MOV10L1: variants seen among roughly 807,000 people sequenced by gnomAD.
MOV10L1 encodes Mov10 like RNA helicase 1.
A neutral mutation model predicts 143.8 loss-of-function variants in MOV10L1; 110 were observed. The ratio of observed to expected loss-of-function variants is 0.76; its 90% CI spans 0.66 to 0.90. MOV10L1 has a LOEUF of 0.90. Among genes scored for constraint, MOV10L1 ranks in the 40% least tolerant of loss-of-function variants. MOV10L1 has a pLI of 0.00. For missense variants in MOV10L1, 1,406 were observed against 1,526.8 expected, an observed-to-expected ratio of 0.92 and a Z score of 1.32; for synonymous variants, 593 against 581.1, an observed-to-expected ratio of 1.02 and a Z score of -0.29.
At chr22:50,150,972 A>C (rs1440637258) in intron 21 of MOV10L1, 73 bp downstream of exon 21, 31 of 1,569,554 alleles carry the variant, frequency 2.0e-5, no homozygotes, top group African/African-American at 2.7e-5. Flanking sequence ...CGAGCAGCTC[A>C]CTCTTCTGTC....
At position 50,143,060 on chromosome 22, in the gene MOV10L1, C is replaced by A; in HGVS notation, c.2197C>A (p.Pro733Thr). 1.2e-6 allele frequency: 2 copies of A among 1,614,086 alleles called. No individual in the cohort carries two copies. Among genetic ancestry groups the A allele is most frequent in the African/African-American group, 1.3e-5 (1 of 75,010 alleles). The change falls in exon 17 of 27, where the codon CCT becomes ACT. Residue 733 changes from proline to threonine, a missense_variant. This residue lies in a region of MOV10L1 where 1,233 missense variants were observed against 1,351.4 expected (regional missense o/e 0.91). Transcript: ENST00000262794. ...GAATACAGTAGATGAAATTCAGACCCCTAAAGCAAGAAAGATGGAGTTTTT... is the reference window on the plus strand; with the variant it reads ...GAATACAGTAGATGAAATTCAGACCACTAAAGCAAGAAAGATGGAGTTTTT... ...MSDWVDEIQT[P>T]KARKMEFFNP...
At chr22:50,125,734 C>G (rs1485529302) in intron 11 of MOV10L1, among the ~76,000 whole-genome samples, 165 bp downstream of exon 11, 1 of 151,956 alleles carries the variant, frequency 6.6e-6, no homozygotes, top group African/African-American at 2.4e-5. Flanking sequence ...AAGCATGTTT[C>G]TTTGTTGTAT....
At chr22:50,095,202 C>T (rs2062558399) in intron 2 of MOV10L1, 1 of 152,208 alleles carries the variant, frequency 6.6e-6, no homozygotes, top group South Asian at 2.1e-4. Context: ...CCACGTTCCC[C>T]ACCTGCACTT....
At chr22:50,098,036 C>T (rs944349866) in intron 2 of MOV10L1, among the ~76,000 whole-genome samples, 3 of 151,900 alleles carry the variant, frequency 2.0e-5, no homozygotes, top group African/African-American at 7.3e-5. Flanking sequence ...GGGGTTTCAC[C>T]ATGTTGACCA....
intron 8 of MOV10L1, among the ~76,000 whole-genome samples, chr22:50,116,805 G>A (rs1179195277): frequency 6.6e-6 from 1 of 151,092 alleles, no homozygotes; most frequent in Non-Finnish European, 1.5e-5. Context: ...ACAGGCACAC[G>A]CCTCCATGTC....
chr22:50,090,576 T>A (rs1460629365), intron 1 of MOV10L1: 1 of 1,557,992 alleles, frequency 6.4e-7, no homozygotes, highest in Admixed American at 1.9e-5. Context: ...CAGAACGCGC[T>A]GCGCCAAGGC....
chr22:50,161,030 C>T lies in MOV10L1; in HGVS notation c.3529C>T (p.Pro1177Ser), dbSNP rs767696214. Reference sequence around the variant, plus strand: ...CGGTGTTTACATGGGATGCGATTTACCTCCTGCACTGCAGTCTCTGCAAAA... The same window carrying T: ...CGGTGTTTACATGGGATGCGATTTATCTCCTGCACTGCAGTCTCTGCAAAA... ...TNGVYMGCDL[P>S]PALQSLQNCG... The change falls in exon 26 of 27, where the codon CCT becomes TCT. Residue 1177 changes from proline to serine, a missense_variant. Physicochemically the swap from Pro to Ser is moderately conservative, Grantham distance 74. Transcript: ENST00000262794. 6.2e-7 allele frequency: 1 copy of T among 1,614,022 alleles called. No individual in the cohort carries two copies. The highest frequency in any genetic ancestry group is 8.5e-7 in the Non-Finnish European group (1 of 1,180,012).
At chr22:50,100,025 T>C (rs1323060191) in intron 3 of MOV10L1, among the ~76,000 whole-genome samples, 5 of 151,984 alleles carry the variant, frequency 3.3e-5, no homozygotes, top group South Asian at 2.1e-4. Flanking sequence ...GGAGTCTCAC[T>C]CTGTTGCCCA....
At chr22:50,104,093 G>A (rs571695017) in intron 3 of MOV10L1, among the ~76,000 whole-genome samples, 1 of 152,218 alleles carries the variant, frequency 6.6e-6, no homozygotes, top group African/African-American at 2.4e-5. Context: ...TAAGGAGCAC[G>A]CAACCTAGAT....
At chr22:50,131,207 C>G (rs985713794) in intron 13 of MOV10L1, among the ~76,000 whole-genome samples, 1 of 152,166 alleles carries the variant, frequency 6.6e-6, no homozygotes, top group Admixed American at 6.5e-5. Flanking sequence ...CACACCCGGC[C>G]ACTGAACATC....
At chr22:50,098,538 G>A (rs1223653831) in intron 2 of MOV10L1, among the ~76,000 whole-genome samples, 1 of 151,858 alleles carries the variant, frequency 6.6e-6, no homozygotes, top group Non-Finnish European at 1.5e-5. Context: ...TTTCCTTTTT[G>A]GATTTTTCAT....
At chr22:50,130,864 A>G (rs977071993) in intron 13 of MOV10L1, among the ~76,000 whole-genome samples, 2 of 151,940 alleles carry the variant, frequency 1.3e-5, no homozygotes, top group Non-Finnish European at 2.9e-5. Context: ...TTTAATTTGT[A>G]TTTTTCTAAT....
rs907459211 is a variant in MOV10L1, at chr22:50,132,442, A to T, written c.1911-1565A>T. Among the ~76,000 whole-genome samples the T allele has an allele frequency of 3.9e-5, 6 of 152,158 alleles. No individual in the cohort carries two copies. The South Asian group carries it at 1.2e-3, about 31-fold the overall frequency. ...AATAATAAGTCCTCCAGCCCTTGAA[A>T]AGGGTATGTCTCTCCATTTATTTGC... On this transcript the variant is annotated intron_variant, in intron 13 of 26. Coordinates refer to ENST00000262794, the MANE Select transcript of MOV10L1 (RefSeq NM_018995.3).
Position 50,115,191 on chromosome 22 carries a change from G to A in MOV10L1, c.1204G>A (p.Gly402Arg), listed in dbSNP as rs970739124. The A allele has an allele frequency of 1.9e-6, 3 of 1,557,804 alleles. No homozygotes were observed. The Admixed American group carries it at 6.5e-5, about 34-fold the overall frequency. Residue 402 changes from glycine to arginine, a missense_variant, in exon 8 of 27, where the codon GGG (glycine) becomes AGG (arginine). Physicochemically the swap from Gly to Arg is moderately radical, Grantham distance 125 (BLOSUM62 -2). This residue lies in a region of MOV10L1 where 1,233 missense variants were observed against 1,351.4 expected (regional missense o/e 0.91). Transcript: ENST00000262794. ...GAAGCAGATGACAGAGCCTGAGCCT[G>A]GGGGGCTTGTCCCTCCAGGGGGAAA... ...SRKQMTEPEPGGLVPPGGKTF... is the reference protein window; with the variant it reads ...SRKQMTEPEPRGLVPPGGKTF...
Position 50,158,392 on chromosome 22 carries a change from G to A in MOV10L1, c.3216+186G>A, listed in dbSNP as rs112079126. The A allele has an allele frequency of 1.7e-5, 11 of 638,632 alleles. No homozygotes were observed. In the Admixed American group the frequency reaches 1.7e-4, roughly 10 times the overall value. The allele number at this position is 638,632 out of a possible 1,614,324, so 39.6% of individuals were successfully genotyped here. A position where few individuals can be genotyped will look rare whatever the true frequency, so the allele number is the denominator to read the frequency against. Reference sequence around the variant, plus strand: ...CAACTGCCATCCATGGGCCAGTTCCGGGCAGCTGCCAGCTTTTCTACGGCC... The same window carrying A: ...CAACTGCCATCCATGGGCCAGTTCCAGGCAGCTGCCAGCTTTTCTACGGCC... On this transcript the variant is annotated intron_variant, in intron 23 of 26. Coordinates refer to ENST00000262794, the MANE Select transcript of MOV10L1 (RefSeq NM_018995.3). The surrounding 1 kb of genome is among the most constrained non-coding windows in gnomAD (Gnocchi z 5.0).
At chr22:50,099,639 G>GGTTTT in intron 3 of MOV10L1, 37 bp downstream of exon 3, 2 of 1,578,572 alleles carry the variant, frequency 1.3e-6, no homozygotes, top group Non-Finnish European at 1.7e-6. Flanking sequence ...TTGAAAATTA[G>GGTTTT]GTTTTGTCTT....
intron 19 of MOV10L1, among the ~76,000 whole-genome samples, chr22:50,146,660 A>G (rs1271084282): frequency 6.7e-6 from 1 of 150,116 alleles, no homozygotes; most frequent in African/African-American, 2.5e-5. Flanking sequence ...CCTCCCTGAC[A>G]GCCTGGAGAC....
chr22:50,118,103 C>T (rs1306919317), intron 9 of MOV10L1, among the ~76,000 whole-genome samples: 1 of 152,110 alleles, frequency 6.6e-6, no homozygotes, highest in Non-Finnish European at 1.5e-5. Flanking sequence ...TTTCAAATCA[C>T]GTGTTGCCCC....
rs754361743 is a variant in MOV10L1 at position 50,153,034 on chromosome 22, T to TCTCCTC, written c.2893-10_2893-5dup. On this transcript the variant is annotated splice_polypyrimidine_tract_variant and intron_variant, in intron 21 of 26. Transcript: ENST00000262794. ...ACCTTCCCCTTGTGACCCATCACCA[T>TCTCCTC]CTCCTCGCAGGTCACAAAGCTGGTG... 1.9e-6 allele frequency: 3 copies of TCTCCTC among 1,557,502 alleles called. No homozygotes were observed. The highest frequency in any genetic ancestry group is 2.6e-6 in the Non-Finnish European group (3 of 1,143,316).
Sources: gnomAD v4.1 joint callset for allele counts (sites outside exome capture counted in the v4.1 genomes callset) on GRCh38, gnomAD v4.1.1 for gene constraint, gnomAD v4.1.1 regional missense constraint, Gnocchi (gnomAD v3.1) non-coding constraint, MANE v1.5 for transcripts, NCBI Gene and HGNC (gene_info 2026-07-23, HGNC 2026-07-21) for gene names.